Variants in TASP1 observed in about 807,000 individuals in gnomAD.
TASP1 encodes the protein taspase 1, also known as threonine aspartase 1.
TASP1 carries 16 observed loss-of-function variants against 56.6 expected under a neutral mutation model. The ratio of observed to expected loss-of-function variants is 0.28; its 90% CI spans 0.19 to 0.43. The LOEUF (loss-of-function observed/expected upper bound fraction) is 0.43, where lower values mean the gene tolerates loss of function less well. Ranked by LOEUF, TASP1 falls within the 20% of genes least tolerant of loss-of-function variation. TASP1 has a pLI of 1.00. For synonymous variants in TASP1, 179 were observed against 184.2 expected (o/e 0.97, Z 0.23); for missense variants, 393 against 511.6 (o/e 0.77, Z 2.24).
chr20:13,110,186 A>G, the TASP1 span: 1 of 1,613,636 alleles, frequency 6.2e-7, no homozygotes, highest in Non-Finnish European at 8.5e-7. Flanking sequence ...AGCTTGGAAA[A>G]AGATTCTCAT....
chr20:13,424,173 A>C (rs1319424547), intron 12 of TASP1, among the ~76,000 whole-genome samples: 1 of 152,222 alleles, frequency 6.6e-6, no homozygotes, highest in Non-Finnish European at 1.5e-5. Context: ...TTTTTTTTAA[A>C]ATAAATAGAG....
chr20:13,430,273 T>C (rs2042760889), intron 12 of TASP1, among the ~76,000 whole-genome samples: 1 of 152,156 alleles, frequency 6.6e-6, no homozygotes, highest in African/African-American at 2.4e-5. Flanking sequence ...CAAAATGCGG[T>C]GGTTTAAGAC....
chr20:13,571,282 C>T (rs1056491662), intron 6 of TASP1, among the ~76,000 whole-genome samples: 1 of 152,130 alleles, frequency 6.6e-6, no homozygotes, highest in African/African-American at 2.4e-5. Flanking sequence ...CATCATCACA[C>T]AAAATATCAT....
At chr20:13,585,267 T>C (rs935189272) in intron 5 of TASP1, among the ~76,000 whole-genome samples, 1 of 152,194 alleles carries the variant, frequency 6.6e-6, no homozygotes, top group African/African-American at 2.4e-5. Context: ...ACAGAAAGAA[T>C]GAAGATTATC....
chr20:13,637,124 G>A (rs568422204), intron 1 of TASP1, among the ~76,000 whole-genome samples: 4 of 152,232 alleles, frequency 2.6e-5, no homozygotes, highest in African/African-American at 9.6e-5. Context: ...TATACAAAGG[G>A]TCAATAAGCA....
At chr20:13,427,700 G>T (rs924411400) in intron 12 of TASP1, among the ~76,000 whole-genome samples, 10 of 152,162 alleles carry the variant, frequency 6.6e-5, no homozygotes, top group African/African-American at 2.4e-4. Context: ...AATTTCTTAG[G>T]CTTGGTGGCA....
the TASP1 span, among the ~76,000 whole-genome samples, chr20:13,226,793 G>A: frequency 6.6e-6 from 1 of 152,190 alleles, no homozygotes; most frequent in Non-Finnish European, 1.5e-5. Context: ...ACCTATTGAT[G>A]AGTTTGCACA....
At chr20:13,270,640 A>G in the TASP1 span, 3 of 1,613,824 alleles carry the variant, frequency 1.9e-6, no homozygotes, top group African/African-American at 4.0e-5. Context: ...GAGACGGGGC[A>G]CCCTTCATTG....
At chr20:13,194,877 C>T in the TASP1 span, among the ~76,000 whole-genome samples, 7 of 152,098 alleles carry the variant, frequency 4.6e-5, no homozygotes, top group Non-Finnish European at 1.0e-4. Context: ...CTTCTACCAA[C>T]TAAGGCTCAT....
chr20:13,224,230 A>G, the TASP1 span, among the ~76,000 whole-genome samples: 1 of 152,130 alleles, frequency 6.6e-6, no homozygotes, highest in Non-Finnish European at 1.5e-5. Context: ...TTTAGTTCAT[A>G]ATTTTGCTGT....
the TASP1 span, among the ~76,000 whole-genome samples, chr20:13,261,825 C>T: frequency 2.6e-5 from 4 of 152,204 alleles, no homozygotes; most frequent in Non-Finnish European, 5.9e-5. Flanking sequence ...GCCACCCCTA[C>T]CCCAGACCTC....
intron 12 of TASP1, among the ~76,000 whole-genome samples, chr20:13,420,394 A>G (rs184603121): frequency 6.6e-6 from 1 of 152,226 alleles, no homozygotes; most frequent in African/African-American, 2.4e-5. Flanking sequence ...TTTTAAAGAA[A>G]ATAACTCAAT....
chr20:13,227,994 T>C, the TASP1 span, among the ~76,000 whole-genome samples: 2 of 145,766 alleles, frequency 1.4e-5, no homozygotes, highest in Non-Finnish European at 3.0e-5. Context: ...AGATGGAGTC[T>C]AGCTCTGTTG....
At chr20:13,141,711 G>A in the TASP1 span, among the ~76,000 whole-genome samples, 1 of 152,340 alleles carries the variant, frequency 6.6e-6, no homozygotes, top group East Asian at 1.9e-4. Context: ...GAGGCTGAGG[G>A]CATGGAGAGC....
chr20:13,430,110 C>T (rs2146150966), intron 12 of TASP1, among the ~76,000 whole-genome samples: 1 of 152,188 alleles, frequency 6.6e-6, no homozygotes, highest in Non-Finnish European at 1.5e-5. Flanking sequence ...CCTAGAGGGT[C>T]CCCAAAAAGA....
At position 13,405,951 on chromosome 20, in the gene TASP1, T is replaced by C. The variant is rs981138660; in HGVS notation, c.1170+11497A>G. On this transcript the variant is annotated intron_variant, in intron 13 of 13. Coordinates refer to ENST00000337743, the MANE Select transcript of TASP1 (RefSeq NM_017714.3). ...GTGGACCCTGCTGCATCAACCAATCTGGCAATTCCCTTCCCTCAGAATGCT... is the reference window on the plus strand; with the variant it reads ...GTGGACCCTGCTGCATCAACCAATCCGGCAATTCCCTTCCCTCAGAATGCT... Among the ~76,000 whole-genome samples, 15 of 152,276 alleles carry C rather than the reference T, an allele frequency of 9.9e-5. 1 individual carries two copies. Among genetic ancestry groups the C allele is most frequent in the African/African-American group, 3.6e-4 (15 of 41,552 alleles).
chr20:13,222,383 G>GC, the TASP1 span, among the ~76,000 whole-genome samples: 1 of 152,108 alleles, frequency 6.6e-6, no homozygotes, highest in African/African-American at 2.4e-5. Context: ...AGGAAGCAAT[G>GC]CCAAAGGTCA....
the TASP1 span, among the ~76,000 whole-genome samples, chr20:13,198,718 G>A: frequency 6.6e-6 from 1 of 152,030 alleles, no homozygotes; most frequent in Non-Finnish European, 1.5e-5. Context: ...ATGTCTAAAT[G>A]CCTGTAACTG....
chr20:13,279,837 G>C, the TASP1 span: 3 of 1,613,818 alleles, frequency 1.9e-6, no homozygotes, highest in East Asian at 4.5e-5. Context: ...ACCCCCCCAG[G>C]GGGTGGGACC....
Sources: gnomAD v4.1 joint callset for allele counts (sites outside exome capture counted in the v4.1 genomes callset) on GRCh38, gnomAD v4.1.1 for gene constraint, MANE v1.5 for transcripts, NCBI Gene and HGNC (gene_info 2026-07-23, HGNC 2026-07-21) for gene names.